Variants in SIN3A observed in about 807,000 individuals in gnomAD.
SIN3A encodes the protein SIN3 transcription regulator family member A, also known as paired amphipathic helix protein Sin3a.
SIN3A carries 14 observed loss-of-function variants against 146.1 expected under a neutral mutation model. The ratio of observed to expected loss-of-function variants is 0.10; its 90% CI spans 0.06 to 0.15. The LOEUF (loss-of-function observed/expected upper bound fraction) is 0.15. Ranked by LOEUF, SIN3A falls within the 10% of genes least tolerant of loss-of-function variation. SIN3A has a pLI of 1.00. For missense variants in SIN3A, 1,028 were observed against 1,576.0 expected (o/e 0.65, Z 5.89); for synonymous variants, 572 against 572.0 (o/e 1.00, Z 0.00).
chr15:75,399,294 C>T (rs765552143), intron 12 of SIN3A, among the ~76,000 whole-genome samples: 1 of 151,922 alleles, frequency 6.6e-6, no homozygotes, highest in Non-Finnish European at 1.5e-5. Context: ...TTTGGGAGGC[C>T]GAGACGGGTG....
At chr15:75,404,116 A>G (rs1398683736) in intron 9 of SIN3A, among the ~76,000 whole-genome samples, 2 of 152,218 alleles carry the variant, frequency 1.3e-5, no homozygotes, top group Admixed American at 1.3e-4. Context: ...AAGACCACAG[A>G]CTGCCACCAA....
rs757112876 is a variant in SIN3A, at chr15:75,371,655, C to G, written c.*324G>C. 2 of 290,160 alleles carry G rather than the reference C, an allele frequency of 6.9e-6. No homozygotes were observed. The allele number at this position is 290,160 out of a possible 1,614,324, so 18.0% of individuals were successfully genotyped here. On this transcript the variant is annotated 3_prime_UTR_variant, in exon 21 of 21. Coordinates refer to ENST00000394947, the MANE Select transcript of SIN3A (RefSeq NM_001145358.2). The stretch of plus-strand genomic sequence containing the variant: ...GGTTCCCTCATTGAAAGTTAGGCCA[C>G]AGGAGACTCCAGTCTTAGCTCTGCT...
intron 17 of SIN3A, among the ~76,000 whole-genome samples, chr15:75,383,771 G>A (rs1032268541): frequency 2.6e-5 from 4 of 152,064 alleles, no homozygotes; most frequent in Admixed American, 1.3e-4. Flanking sequence ...ACAGGTGCAC[G>A]CTACCATGCC....
At chr15:75,404,895 G>A (rs1270571305) in intron 9 of SIN3A, among the ~76,000 whole-genome samples, 2 of 152,170 alleles carry the variant, frequency 1.3e-5, no homozygotes, top group African/African-American at 2.4e-5. Flanking sequence ...ACTTTGGAAG[G>A]CAAATGCTGA....
rs575068592 is a variant in SIN3A at position 75,380,606 on chromosome 15, G to C, written c.3383+23C>G. The C allele has an allele frequency of 1.9e-6, 3 of 1,547,160 alleles. No homozygotes were observed. In the South Asian group the frequency reaches 3.3e-5, roughly 17 times the overall value. ...TCAATCATGCACAGTATGGACTGCT[G>C]ACAGATGACATGGCTCACTCACCTG... On this transcript the variant is annotated intron_variant, in intron 19 of 20. Coordinates refer to ENST00000394947, the MANE Select transcript of SIN3A (RefSeq NM_001145358.2).
rs750898116 is a variant in SIN3A at position 75,410,008 on chromosome 15, A to T, written c.1162-17T>A. On this transcript the variant is annotated splice_polypyrimidine_tract_variant and intron_variant, in intron 7 of 20. Transcript: ENST00000394947. Reference sequence around the variant, plus strand: ...GCTTAAAAGCTGATTAAGACACATGAATGAGATTAATGCTCTTATCAAAGC... The same window carrying T: ...GCTTAAAAGCTGATTAAGACACATGTATGAGATTAATGCTCTTATCAAAGC... 2 of 1,613,630 alleles carry T rather than the reference A, an allele frequency of 1.2e-6. No homozygotes were observed. The highest frequency in any genetic ancestry group is 4.5e-5 in the East Asian group (2 of 44,878).
At position 75,407,066 on chromosome 15, in the gene SIN3A, A is replaced by G. The variant is rs747581092; in HGVS notation, c.1396T>C (p.Phe466Leu). 3.1e-6 allele frequency: 5 copies of G among 1,609,480 alleles called. No homozygotes were observed. The highest frequency in any genetic ancestry group is 1.7e-6 in the Non-Finnish European group (2 of 1,176,876). ...SKHGGGTESL[F>L]FDKVRKALRS... ...CATCCATTACTCACCTTATCAAAAA[A>G]TAACGATTCTGTTCCACCACCATGT... Residue 466 changes from phenylalanine to leucine, a missense_variant, in exon 9 of 21, where the codon TTT (phenylalanine) becomes CTT (leucine). Phe to Leu is a conservative substitution (Grantham distance 22, BLOSUM62 0). Around this residue, in one of 9 missense-constraint regions of SIN3A, gnomAD observed 157 missense variants for 284.8 expected, o/e 0.55. Coordinates refer to ENST00000394947, the MANE Select transcript of SIN3A (RefSeq NM_001145358.2).
Position 75,392,375 on chromosome 15 carries a change from C to A in SIN3A, c.2718G>T (p.Leu906=), listed in dbSNP as rs768680744. The A allele has an allele frequency of 6.2e-7, 1 of 1,614,266 alleles. No individual in the cohort carries two copies. Among genetic ancestry groups the A allele is most frequent in the South Asian group, 1.1e-5 (1 of 91,086 alleles). The change falls in exon 15 of 21, where the codon CTG becomes CTT. Residue 906 remains leucine, a synonymous_variant. Coordinates refer to ENST00000394947, the MANE Select transcript of SIN3A (RefSeq NM_001145358.2). The part of the protein sequence containing the change: ...MRLHQILCLR[L]LRICSQAERQ... ...GTTCGGCTTGGGAACAAATCCGTAG[C>A]AGCCTCAGGCAGAGAATCTGGTGCA...
Position 75,410,208 on chromosome 15 carries a change from C to A in SIN3A, c.1087G>T (p.Ala363Ser). The A allele has an allele frequency of 6.2e-7, 1 of 1,614,072 alleles. No homozygotes were observed. The highest frequency in any genetic ancestry group is 8.5e-7 in the Non-Finnish European group (1 of 1,179,978). Residue 363 changes from alanine to serine, a missense_variant, in exon 7 of 21, where the codon GCT becomes TCT. Physicochemically the swap from Ala to Ser is moderately conservative, Grantham distance 99. This residue lies in a region of SIN3A where 40 missense variants were observed against 74.0 expected (regional missense o/e 0.54). Transcript: ENST00000394947. ...TCTTCCTGGTTTTTAAAGAGACGAG[C>A]AACCTGGGCATACACCTCCTGCTCT... ...LTEQEVYAQVARLFKNQEDLL... is the reference protein window; with the variant it reads ...LTEQEVYAQVSRLFKNQEDLL...
intron 2 of SIN3A, 110 bp downstream of exon 2, chr15:75,430,077 C>A: frequency 1.3e-6 from 1 of 766,054 alleles, no homozygotes; most frequent in Non-Finnish European, 2.1e-6. Flanking sequence ...TTACCTTACA[C>A]ATACTCAACA....
At chr15:75,432,632 G>A (rs1418455591) in intron 1 of SIN3A, among the ~76,000 whole-genome samples, 1 of 150,810 alleles carries the variant, frequency 6.6e-6, no homozygotes, top group Non-Finnish European at 1.5e-5. Context: ...GGTTGCATGA[G>A]GGGAGGTCCC....
intron 1 of SIN3A, among the ~76,000 whole-genome samples, chr15:75,450,740 T>A (rs2074388549): frequency 6.6e-6 from 1 of 152,182 alleles, no homozygotes; most frequent in South Asian, 2.1e-4. Context: ...CAGCTCCCAG[T>A]CGGCGGGTGC....
chr15:75,418,220 T>C (rs2073777114), intron 3 of SIN3A, among the ~76,000 whole-genome samples: 1 of 151,968 alleles, frequency 6.6e-6, no homozygotes, highest in East Asian at 1.9e-4. Flanking sequence ...TTAGTAGAGA[T>C]GGGGTGTCAC....
chr15:75,405,006 T>C (rs145644293), intron 9 of SIN3A, among the ~76,000 whole-genome samples: 31 of 151,390 alleles, frequency 2.0e-4, no homozygotes, highest in African/African-American at 7.5e-4. Context: ...ATTAGCTGAG[T>C]GTGGTGGTCT....
chr15:75,412,115 TAA>T (rs1194371497), intron 5 of SIN3A, among the ~76,000 whole-genome samples: 2 of 152,190 alleles, frequency 1.3e-5, no homozygotes, highest in African/African-American at 2.4e-5. Flanking sequence ...TAGCTCCACA[TAA>T]AAAAGTCTTC....
chr15:75,438,064 C>T (rs1342531787), intron 1 of SIN3A, among the ~76,000 whole-genome samples: 1 of 152,144 alleles, frequency 6.6e-6, no homozygotes, highest in Admixed American at 6.5e-5. Context: ...GTCACCTGGC[C>T]ATGTGTTATA....
rs757238427 is a variant in SIN3A at position 75,394,807 on chromosome 15, C to A, written c.2150G>T (p.Trp717Leu). 6.2e-7 allele frequency: 1 copy of A among 1,614,088 alleles called. No individual in the cohort carries two copies. The highest frequency in any genetic ancestry group is 8.5e-7 in the Non-Finnish European group (1 of 1,179,990). Residue 717 changes from tryptophan (W) to leucine (L), a missense_variant, in exon 14 of 21, where the codon TGG becomes TTG. Physicochemically the swap from Trp to Leu is moderately conservative, Grantham distance 61 (BLOSUM62 -2). Coordinates refer to ENST00000394947, the MANE Select transcript of SIN3A (RefSeq NM_001145358.2). ...REAQRGFNKV[W>L]REQNEKYYLK... ...GTAGTATTTCTCATTTTGTTCTCGC[C>A]ATACTTTGTTAAAGCCTCTCTGAGC...
chr15:75,425,499 T>C (rs1401458746), intron 2 of SIN3A, among the ~76,000 whole-genome samples: 1 of 152,228 alleles, frequency 6.6e-6, no homozygotes, highest in Non-Finnish European at 1.5e-5. Flanking sequence ...CTTGATTTGC[T>C]ACGAGCACTG....
rs888719325 is a variant in SIN3A, at chr15:75,445,640, G to C, written c.-34+5783C>G. On this transcript the variant is annotated intron_variant, in intron 1 of 20. Coordinates refer to ENST00000394947, the MANE Select transcript of SIN3A (RefSeq NM_001145358.2). ...TGCCTGTAATCCCAGCTGCTCGGGA[G>C]GCTGAGGCAGGAGAATCACTTGAAG... Among the ~76,000 whole-genome samples, 7 of 151,760 alleles carry C rather than the reference G, an allele frequency of 4.6e-5. No individual in the cohort carries two copies. The South Asian group carries it at 1.2e-3, about 27-fold the overall frequency.
Sources: allele counts gnomAD v4.1 joint callset (sites outside exome capture counted in the v4.1 genomes callset), GRCh38; gene constraint gnomAD v4.1.1; regional missense constraint gnomAD v4.1.1; transcripts MANE v1.5; gene names NCBI Gene and HGNC (gene_info 2026-07-23, HGNC 2026-07-21).